Variants in SLC25A28 observed in about 807,000 individuals in gnomAD.
SLC25A28 encodes the protein solute carrier family 25 member 28, also known as mitoferrin-2.
A neutral mutation model predicts 31.9 loss-of-function variants in SLC25A28; 10 were observed. The observed-to-expected ratio is 0.31, with a 90% CI of 0.19 to 0.53. The LOEUF is 0.53. SLC25A28 is among the 20% of genes least tolerant of loss of function. SLC25A28 has a pLI of 0.95. For missense variants in SLC25A28, 256 were observed against 490.3 expected, an observed-to-expected ratio of 0.52 and a Z score of 4.51; for synonymous variants, 208 against 203.6, an observed-to-expected ratio of 1.02 and a Z score of -0.19.
chr10:99,625,749 T>C, the SLC25A28 span, among the ~76,000 whole-genome samples: 3 of 152,240 alleles, frequency 2.0e-5, no homozygotes, highest in African/African-American at 7.2e-5. Context: ...ACACCTGGGT[T>C]GTACCTTTAA....
chr10:99,613,375 C>T lies in SLC25A28; in HGVS notation c.520+321G>A, dbSNP rs2034575403. ...AAGGAGCAGGACACCACCCAACTGT[C>T]AAACATAGACTGGGGGTAGTTCAGT... is the stretch of plus-strand genomic sequence containing the variant. On this transcript the variant is annotated intron_variant, in intron 2 of 3. Transcript: ENST00000370495. The surrounding 1 kb of genome is among the most constrained non-coding windows in gnomAD (Gnocchi z 4.9). The T allele has an allele frequency of 1.6e-6, 2 of 1,227,238 alleles. No homozygotes were observed. Among genetic ancestry groups the T allele is most frequent in the Non-Finnish European group, 2.1e-6 (2 of 971,266 alleles). The allele number at this position is 1,227,238 out of a possible 1,614,324, so 76.0% of individuals were successfully genotyped here. A position where few individuals can be genotyped will look rare whatever the true frequency, so the allele number is the denominator to read the frequency against.
At chr10:99,617,668 CCTCT>C (rs2034689588) in intron 1 of SLC25A28, 1 of 985,422 alleles carries the variant, frequency 1.0e-6, no homozygotes, top group Non-Finnish European at 1.2e-6. Flanking sequence ...CTAGTTCTTC[CCTCT>C]AAGTCATTTA....
the SLC25A28 span, among the ~76,000 whole-genome samples, chr10:99,647,490 C>T: frequency 6.6e-6 from 1 of 152,140 alleles, no homozygotes; most frequent in Non-Finnish European, 1.5e-5. Flanking sequence ...ATGTCCTTTG[C>T]CCAATTTTTA....
upstream of SLC25A28, chr10:99,622,743 G>C: frequency 2.0e-6 from 2 of 981,198 alleles, no homozygotes; most frequent in Non-Finnish European, 2.4e-6. Flanking sequence ...AATGCTTCTT[G>C]GTCATCTTTA....
At chr10:99,622,032 C>G (rs1188252429), upstream of SLC25A28, 1 of 152,142 alleles carries the variant, frequency 6.6e-6, no homozygotes, top group African/African-American at 2.4e-5. Flanking sequence ...TGGTTAACCT[C>G]TCCCTGGCCG....
the SLC25A28 span, among the ~76,000 whole-genome samples, chr10:99,658,113 G>A: frequency 3.2e-4 from 48 of 152,148 alleles, no homozygotes; most frequent in African/African-American, 1.1e-3. Flanking sequence ...CGCTTGCTCA[G>A]GAGGTCGAGG....
At chr10:99,638,312 A>G in the SLC25A28 span, among the ~76,000 whole-genome samples, 1 of 152,248 alleles carries the variant, frequency 6.6e-6, no homozygotes, top group Non-Finnish European at 1.5e-5. Flanking sequence ...TAAGAATTTA[A>G]TCTAAGACCT....
the SLC25A28 span, among the ~76,000 whole-genome samples, chr10:99,658,993 C>T: frequency 3.9e-4 from 59 of 152,290 alleles, no homozygotes; most frequent in African/African-American, 1.4e-3. Context: ...CGGGGCAAGA[C>T]AGTGAGGTCG....
chr10:99,615,306 G>A (rs2034621790), intron 1 of SLC25A28: 2 of 697,674 alleles, frequency 2.9e-6, no homozygotes, highest in Non-Finnish European at 1.8e-6. Context: ...AGCCTTCGCT[G>A]GTTTGAGCCA....
chr10:99,619,015 C>T (rs1413754462), intron 1 of SLC25A28: 4 of 985,190 alleles, frequency 4.1e-6, no homozygotes, highest in Non-Finnish European at 3.6e-6. Flanking sequence ...CTCTAGTTTA[C>T]CTCTCCCTCA....
chr10:99,646,226 C>T, the SLC25A28 span, among the ~76,000 whole-genome samples: 3 of 152,218 alleles, frequency 2.0e-5, no homozygotes, highest in African/African-American at 7.2e-5. Context: ...AGCTTCCCAG[C>T]CACTTTGTTT....
In SLC25A28 at chr10:99,620,380, C is replaced by CACT; in HGVS notation, c.-48_-46dup. The CACT allele has an allele frequency of 9.2e-7, 1 of 1,089,976 alleles. No individual in the cohort carries two copies. Among genetic ancestry groups the CACT allele is most frequent in the Non-Finnish European group, 1.1e-6 (1 of 897,892 alleles). The allele number at this position is 1,089,976 out of a possible 1,614,324, so 67.5% of individuals were successfully genotyped here. A position where few individuals can be genotyped will look rare whatever the true frequency, so the allele number is the denominator to read the frequency against. On this transcript the variant is annotated 5_prime_UTR_variant, in exon 1 of 4. Transcript: ENST00000370495. ...CGCCCACCCCCGCCGCCGCTGCCAC[C>CACT]ACTGCCGCCGCCGCCCCCCGGCCCC...
In SLC25A28 at chr10:99,612,559, G is replaced by A. The variant is rs2034553277; in HGVS notation, c.561C>T (p.Ala187=). The A allele has an allele frequency of 6.2e-7, 1 of 1,614,156 alleles. No homozygotes were observed. Among genetic ancestry groups the A allele is most frequent in the South Asian group, 1.1e-5 (1 of 91,086 alleles). The part of the protein sequence containing the change: ...GCVATLLHDA[A]MNPAEVVKQR... ...AATCATTACCTTCCGCAGGGTTCAT[G>A]GCTGCATCATGAAGTAATGTTGCCA... Residue 187 remains alanine (A), a synonymous_variant, in exon 3 of 4, where the codon GCC becomes GCT. Coordinates refer to ENST00000370495, the MANE Select transcript of SLC25A28 (RefSeq NM_031212.4).
the SLC25A28 span, among the ~76,000 whole-genome samples, chr10:99,625,755 T>A: frequency 6.6e-6 from 1 of 152,230 alleles, no homozygotes; most frequent in Non-Finnish European, 1.5e-5. Context: ...GGGTTGTACC[T>A]TTAAAAGAAA....
At chr10:99,659,212 G>A in the SLC25A28 span, among the ~76,000 whole-genome samples, 3 of 152,238 alleles carry the variant, frequency 2.0e-5, no homozygotes, top group African/African-American at 4.8e-5. This position sits in a 1 kb window ranked among gnomAD's most constrained non-coding sequence, Gnocchi z 4.1. Flanking sequence ...CCCCAGGGAG[G>A]GAAGCGGGCA....
At position 99,620,058 on chromosome 10, in the gene SLC25A28, A is replaced by G; in HGVS notation, c.278T>C (p.Ile93Thr). Reference sequence around the variant, plus strand: ...TGCAGGTCTCACCTTGACGCAGTCGATGGGGTACATCACGCAGTGCTCCAG... The same window carrying G: ...TGCAGGTCTCACCTTGACGCAGTCGGTGGGGTACATCACGCAGTGCTCCAG... ...GILEHCVMYP[I>T]DCVKTRMQSL... The change falls in exon 1 of 4, where the codon ATC (isoleucine) becomes ACC (threonine). Residue 93 changes from isoleucine to threonine, a missense_variant. Physicochemically the swap from Ile to Thr is moderately conservative, Grantham distance 89. Transcript: ENST00000370495. 1 of 1,582,190 alleles carries G rather than the reference A, an allele frequency of 6.3e-7. No individual in the cohort carries two copies. The highest frequency in any genetic ancestry group is 8.5e-7 in the Non-Finnish European group (1 of 1,171,598).
At chr10:99,635,941 C>T in the SLC25A28 span, among the ~76,000 whole-genome samples, 6 of 152,152 alleles carry the variant, frequency 3.9e-5, no homozygotes, top group Non-Finnish European at 8.8e-5. Flanking sequence ...AACATATATG[C>T]ACCTGACACC....
In SLC25A28 at chr10:99,610,658, A is replaced by G. The variant is rs912084680; in HGVS notation, c.*191T>C. 31 of 640,408 alleles carry G rather than the reference A, an allele frequency of 4.8e-5. 1 individual carries two copies. The South Asian group carries it at 6.0e-4, about 12-fold the overall frequency. The allele number at this position is 640,408 out of a possible 1,614,324, so 39.7% of individuals were successfully genotyped here. ...GTGGTGTGCTTTGCTGCACGTGCTT[A>G]GGGCCTGGAAGGAAAGGTGGTGGCA... is the stretch of plus-strand genomic sequence containing the variant. On this transcript the variant is annotated 3_prime_UTR_variant, in exon 4 of 4. Transcript: ENST00000370495.
At chr10:99,617,466 G>A in intron 1 of SLC25A28, 1 of 985,076 alleles carries the variant, frequency 1.0e-6, no homozygotes, top group Non-Finnish European at 1.2e-6. Flanking sequence ...CAACAACATG[G>A]ATATCTGCCT....
Sources: allele counts gnomAD v4.1 joint callset (sites outside exome capture counted in the v4.1 genomes callset), GRCh38; gene constraint gnomAD v4.1.1; non-coding constraint Gnocchi (gnomAD v3.1); transcripts MANE v1.5; gene names NCBI Gene and HGNC (gene_info 2026-07-23, HGNC 2026-07-21).